Variants in SCLY observed in about 807,000 individuals in gnomAD.
The protein encoded by SCLY is selenocysteine lyase.
SCLY carries 38 observed loss-of-function variants against 50.1 expected under a neutral mutation model. The ratio of observed to expected loss-of-function variants is 0.76; its 90% CI spans 0.59 to 0.99. The LOEUF is 0.99. Among genes scored for constraint, SCLY ranks in the 50% least tolerant of loss-of-function variants. The pLI is 0.00. For missense variants in SCLY, 600 were observed against 620.0 expected (o/e 0.97, Z 0.34); for synonymous variants, 243 against 249.4 (o/e 0.97, Z 0.24).
chr2:238,061,824 G>C (rs2106433143), intron 1 of SCLY, among the ~76,000 whole-genome samples: 1 of 152,294 alleles, frequency 6.6e-6, no homozygotes, highest in African/African-American at 2.4e-5. Flanking sequence ...CGAAGCACGT[G>C]GTATCCATAC....
intron 8 of SCLY, chr2:238,091,527 G>T: frequency 2.1e-6 from 1 of 468,856 alleles, no homozygotes; most frequent in Non-Finnish European, 3.9e-6. Context: ...CAGCAGAGGT[G>T]AAGTGTCAAG....
In SCLY at chr2:238,070,034, G is replaced by A. The variant is rs185258029; in HGVS notation, c.484+557G>A. Among the ~76,000 whole-genome samples the A allele has an allele frequency of 1.6e-3, 239 of 152,304 alleles. 1 individual carries two copies. Among genetic ancestry groups the A allele is most frequent in the African/African-American group, 5.4e-3 (224 of 41,566 alleles). On this transcript the variant is annotated intron_variant, in intron 4 of 11. Transcript: ENST00000254663. ...GGCCTCCTGCTATGTGTGGAGAAGC[G>A]GAGTGAGGTGGTGCCCAAGTGCGGC...
chr2:238,093,790 C>T (rs186619085), intron 8 of SCLY, 71 bp from the exon 9 acceptor site: 416 of 1,389,874 alleles, frequency 3.0e-4, no homozygotes, highest in Non-Finnish European at 3.9e-4. Flanking sequence ...CCACCTGTAC[C>T]GTTGAAAGCT....
At position 238,061,434 on chromosome 2, in the gene SCLY, C is replaced by G. The variant is rs1473177901; in HGVS notation, c.89+291C>G. 1.8e-5 allele frequency: 10 copies of G among 555,668 alleles called. 1 individual carries two copies. Among genetic ancestry groups the G allele is most frequent in the South Asian group, 1.7e-4 (10 of 57,976 alleles). 34.4% of individuals were successfully genotyped at this position (555,668 alleles called of 1,614,324 possible). A position where few individuals can be genotyped will look rare whatever the true frequency, so the allele number is the denominator to read the frequency against. The stretch of plus-strand genomic sequence containing the variant: ...AGCAGAGCCTGCCAGGAAGAGGGCA[C>G]AGCAGATGCGAAGGGCAGGGGACTT... On this transcript the variant is annotated intron_variant, in intron 1 of 11. Transcript: ENST00000254663.
chr2:238,062,423 T>A (rs1236734792), intron 1 of SCLY, among the ~76,000 whole-genome samples: 183 of 126,500 alleles, frequency 1.4e-3, no homozygotes, highest in African/African-American at 4.8e-3. Flanking sequence ...TTTTTTTTTT[T>A]AATTGAGATG....
At chr2:238,087,832 G>A (rs1420647076) in intron 7 of SCLY, among the ~76,000 whole-genome samples, 2 of 152,192 alleles carry the variant, frequency 1.3e-5, no homozygotes, top group Non-Finnish European at 2.9e-5. Context: ...GTTCACGCGT[G>A]TAATCCCAGC....
intron 1 of SCLY, among the ~76,000 whole-genome samples, chr2:238,061,813 C>T (rs1223228142): frequency 6.6e-6 from 1 of 152,122 alleles, no homozygotes; most frequent in Non-Finnish European, 1.5e-5. Flanking sequence ...GCGCGGAGAC[C>T]CGAAGCACGT....
At chr2:238,073,250 T>C (rs1291136919) in intron 4 of SCLY, among the ~76,000 whole-genome samples, 1 of 152,234 alleles carries the variant, frequency 6.6e-6, no homozygotes, top group Non-Finnish European at 1.5e-5. Context: ...CAAACTGTTA[T>C]GATTACTGTA....
In SCLY at chr2:238,093,866, G is replaced by A. The variant is rs938656338; in HGVS notation, c.927G>A (p.Ala309=). 5.0e-6 allele frequency: 8 copies of A among 1,613,636 alleles called. No individual in the cohort carries two copies. Among genetic ancestry groups the A allele is most frequent in the Middle Eastern group, 1.6e-4 (1 of 6,084 alleles). The change falls in exon 9 of 12, where the codon GCG becomes GCA. Residue 309 remains alanine, a synonymous_variant. Coordinates refer to ENST00000254663, the MANE Select transcript of SCLY (RefSeq NM_016510.7). Reference sequence around the variant, plus strand: ...TGTTGTGTGTCTGCCCCCAGGCCGCGGAGCTGGTGACCCAGAACTGCGAGG... The same window carrying A: ...TGTTGTGTGTCTGCCCCCAGGCCGCAGAGCTGGTGACCCAGAACTGCGAGG... The part of the protein sequence containing the change: ...TPMIAGLGKA[A]ELVTQNCEAY...
rs2065257958 is a variant in SCLY at position 238,083,351 on chromosome 2, C to T, written c.881C>T (p.Pro294Leu). Reference protein sequence around the residue: ...FGGGQERNFRPGTENTPMIAG... With the variant: ...FGGGQERNFRLGTENTPMIAG... ...GGTGGACAAGAACGGAATTTCAGGC[C>T]AGGGTAAGGCAGAAAGTTAACAAAG... is the stretch of plus-strand genomic sequence containing the variant. Residue 294 changes from proline (P) to leucine (L), a missense_variant, in exon 7 of 12, where the codon CCA becomes CTA. Transcript: ENST00000254663. This position sits in a 1 kb window ranked among gnomAD's most constrained non-coding sequence, Gnocchi z 4.3. 1 of 1,596,642 alleles carries T rather than the reference C, an allele frequency of 6.3e-7. No individual in the cohort carries two copies. Among genetic ancestry groups the T allele is most frequent in the South Asian group, 1.1e-5 (1 of 90,760 alleles).
chr2:238,074,835 T>C (rs2065157741), intron 4 of SCLY, among the ~76,000 whole-genome samples: 1 of 152,162 alleles, frequency 6.6e-6, no homozygotes, highest in Admixed American at 6.5e-5. Flanking sequence ...ATTTTCTATA[T>C]AGAGGGTCAT....
rs565261678 is a variant in SCLY, at chr2:238,096,848, G to T, written c.1156G>T (p.Ala386Ser). ...CCGAGTGCTGATGGCCAGTGTGGGG[G>T]CCGCGTGCCACTCGGACCACGGGGA... ...QCRVLMASVG[A>S]ACHSDHGDQP... is the part of the protein sequence containing the mutation. Residue 386 changes from alanine to serine, a missense_variant, in exon 11 of 12, where the codon GCC becomes TCC. Ala to Ser is a moderately conservative substitution (Grantham distance 99, BLOSUM62 1). Transcript: ENST00000254663. 5.8e-5 allele frequency: 93 copies of T among 1,612,436 alleles called. 1 individual carries two copies. The South Asian group carries it at 9.1e-4, about 16-fold the overall frequency.
Position 238,098,563 on chromosome 2 carries a change from A to AGGACCGCCCACATG in SCLY, c.*212_*213insCGCCCACATGGGAC, listed in dbSNP as rs1559254284. 1 of 374,066 alleles carries AGGACCGCCCACATG rather than the reference A, an allele frequency of 2.7e-6. No individual in the cohort carries two copies. Among genetic ancestry groups the AGGACCGCCCACATG allele is most frequent in the South Asian group, 4.6e-5 (1 of 21,536 alleles). 23.2% of individuals were successfully genotyped at this position (374,066 alleles called of 1,614,324 possible). On this transcript the variant is annotated 3_prime_UTR_variant, in exon 12 of 12. Coordinates refer to ENST00000254663, the MANE Select transcript of SCLY (RefSeq NM_016510.7). Reference sequence around the variant, plus strand: ...AGGGCCCAGGACACCAACGCCGCATAGGACTGCCCACATGGGACCGCCCAC... The same window carrying AGGACCGCCCACATG: ...AGGGCCCAGGACACCAACGCCGCATAGGACCGCCCACATGGGACTGCCCACATGGGACCGCCCAC...
chr2:238,091,550 C>G, intron 8 of SCLY: 36 of 408,492 alleles, frequency 8.8e-5, no homozygotes, highest in Admixed American at 3.0e-4. Flanking sequence ...GCAGGTTCAC[C>G]ATTCCCAAAG....
chr2:238,082,451 G>T (rs1430487515), intron 6 of SCLY, among the ~76,000 whole-genome samples: 1 of 152,188 alleles, frequency 6.6e-6, no homozygotes, highest in Non-Finnish European at 1.5e-5. Context: ...GGCAGGGTGG[G>T]GGCGGTAGAC....
intron 1 of SCLY, 123 bp downstream of exon 1, chr2:238,061,266 G>A (rs2065014458): frequency 1.3e-6 from 1 of 785,350 alleles, no homozygotes; most frequent in Non-Finnish European, 2.2e-6. Flanking sequence ...GCGCGGGGAT[G>A]TCCGCGAGGT....
chr2:238,095,511 T>C (rs2065421614), intron 10 of SCLY: 1 of 152,158 alleles, frequency 6.6e-6, no homozygotes. Context: ...CCAGCAGTCG[T>C]GTTTGGCCCA....
chr2:238,074,896 C>T (rs906745383), intron 4 of SCLY, among the ~76,000 whole-genome samples: 1 of 152,144 alleles, frequency 6.6e-6, no homozygotes, highest in Non-Finnish European at 1.5e-5. Flanking sequence ...ACTTGTATTT[C>T]TTTAATTTTA....
chr2:238,061,226 G>A (rs1047468215), intron 1 of SCLY, 83 bp downstream of exon 1: 2 of 1,058,842 alleles, frequency 1.9e-6, no homozygotes, highest in Non-Finnish European at 2.8e-6. Flanking sequence ...GGGGCTCCCG[G>A]CCTGTGGCCG....
Sources: allele counts gnomAD v4.1 joint callset (sites outside exome capture counted in the v4.1 genomes callset), GRCh38; gene constraint gnomAD v4.1.1; non-coding constraint Gnocchi (gnomAD v3.1); transcripts MANE v1.5; gene names NCBI Gene and HGNC (gene_info 2026-07-23, HGNC 2026-07-21).